RYR2: variants seen among roughly 807,000 people sequenced by gnomAD.
RYR2 encodes cardiac muscle ryanodine receptor-calcium release channel.
Under a neutral mutation model 601.1 loss-of-function variants are expected in RYR2, and 227 were observed. The observed-to-expected ratio is 0.38, with a 90% CI of 0.34 to 0.42. The LOEUF is 0.42. Among genes scored for constraint, RYR2 ranks in the 10% least tolerant of loss-of-function variants. The probability of loss-of-function intolerance (pLI) is 1.00; values close to 1 mark genes in which losing one functional copy is unlikely to be tolerated. For synonymous variants in RYR2, 2,223 were observed against 2,175.1 expected (o/e 1.02, Z -0.61); for missense variants, 4,646 against 6,156.5 (o/e 0.75, Z 8.21).
intron 1 of RYR2, among the ~76,000 whole-genome samples, chr1:237,208,966 A>ATG (rs1682182599): frequency 9.4e-6 from 1 of 105,910 alleles, no homozygotes; most frequent in African/African-American, 3.2e-5. Flanking sequence ...ATATATATAT[A>ATG]TATATATATA....
intron 1 of RYR2, among the ~76,000 whole-genome samples, chr1:237,066,566 G>T (rs9428372): frequency 0.77 from 117,150 of 151,568 alleles, 45,834 homozygotes; most frequent in East Asian, 0.99. Flanking sequence ...ATCTAATCAT[G>T]GTATTAATTT....
At chr1:237,716,146 C>T (rs189318216) in intron 71 of RYR2, among the ~76,000 whole-genome samples, 91 of 152,008 alleles carry the variant, frequency 6.0e-4, no homozygotes, top group South Asian at 1.7e-3. Flanking sequence ...TATTTTATAA[C>T]GTAATATATA....
In RYR2 at chr1:237,232,740, A is replaced by G. The variant is rs576287553; in HGVS notation, c.49-37757A>G. Among the ~76,000 whole-genome samples, 8 of 152,286 alleles carry G rather than the reference A, an allele frequency of 5.3e-5. No homozygotes were observed. In the South Asian group the frequency reaches 1.7e-3, roughly 32 times the overall value. ...GCCCTTAACCGGGGAATCTGAGGCC[A>G]TCTGCAGGTAAATAGCATTAGAATT... On this transcript the variant is annotated intron_variant, in intron 1 of 104. Coordinates refer to ENST00000366574, the MANE Select transcript of RYR2 (RefSeq NM_001035.3).
At chr1:237,777,930 A>G (rs1055457912) in intron 87 of RYR2, among the ~76,000 whole-genome samples, 4 of 152,266 alleles carry the variant, frequency 2.6e-5, no homozygotes, top group African/African-American at 9.6e-5. Flanking sequence ...GTTAGTTGGC[A>G]GTTTCTGACT....
rs562085538 is a variant in RYR2, at chr1:237,789,421, G to A, written c.13476+1286G>A. ...AACCATCTTGTATTTTCCCTATATT[G>A]TTTAATACAGAGTTCACTGAACAGA... On this transcript the variant is annotated intron_variant, in intron 92 of 104. Transcript: ENST00000366574. Among the ~76,000 whole-genome samples, 42 of 150,528 alleles carry A rather than the reference G, an allele frequency of 2.8e-4. No homozygotes were observed. In the South Asian group the frequency reaches 8.2e-3, roughly 30 times the overall value.
At chr1:237,687,036 T>C (rs1686455032) in intron 62 of RYR2, among the ~76,000 whole-genome samples, 1 of 152,158 alleles carries the variant, frequency 6.6e-6, no homozygotes, top group South Asian at 2.1e-4. Flanking sequence ...TAAAATAAAA[T>C]AATGTCCATA....
rs772551383 is a variant in RYR2 at position 237,590,728 on chromosome 1, T to G, written c.3896T>G (p.Ile1299Ser). 1.9e-6 allele frequency: 3 copies of G among 1,612,292 alleles called. No homozygotes were observed. Among genetic ancestry groups the G allele is most frequent in the Middle Eastern group, 1.7e-4 (1 of 6,052 alleles). ...GGTTCTCAGAACAGCAACACTGATA[T>G]CATGTTTTATCGCCTGAGCATGCCG... ...SFGSQNSNTD[I>S]MFYRLSMPIE... The change falls in exon 31 of 105, where the codon ATC becomes AGC. Residue 1299 changes from isoleucine to serine, a missense_variant. This residue lies in a region of RYR2 where 1,807 missense variants were observed against 2,088.1 expected (regional missense o/e 0.87). Transcript: ENST00000366574.
intron 24 of RYR2, among the ~76,000 whole-genome samples, chr1:237,525,727 C>A (rs1161483215): frequency 1.3e-5 from 2 of 152,024 alleles, no homozygotes; most frequent in African/African-American, 4.8e-5. Flanking sequence ...CTCCTGTAAT[C>A]CCAGCACTGT....
intron 1 of RYR2, among the ~76,000 whole-genome samples, chr1:237,108,689 C>T (rs989655058): frequency 1.3e-5 from 2 of 152,176 alleles, no homozygotes; most frequent in African/African-American, 4.8e-5. Context: ...AGGAGAGTCC[C>T]TCCTCCTGGC....
chr1:237,455,121 C>T (rs1257981650), intron 15 of RYR2, among the ~76,000 whole-genome samples: 1 of 152,006 alleles, frequency 6.6e-6, no homozygotes, highest in African/African-American at 2.4e-5. Flanking sequence ...ATTGTATTGC[C>T]CCAAAAGTTT....
intron 19 of RYR2, among the ~76,000 whole-genome samples, chr1:237,494,993 G>T (rs923028285): frequency 6.6e-6 from 1 of 152,076 alleles, no homozygotes; most frequent in African/African-American, 2.4e-5. Flanking sequence ...GTTTCACCAT[G>T]TTGGCCAGCC....
intron 1 of RYR2, among the ~76,000 whole-genome samples, chr1:237,154,723 G>A (rs1675114963): frequency 6.6e-6 from 1 of 152,040 alleles, no homozygotes; most frequent in Non-Finnish European, 1.5e-5. Context: ...TATCCCTAGA[G>A]GGACATTTTA....
At position 237,643,315 on chromosome 1, in the gene RYR2, TCCCC is replaced by T. The variant is rs1553265762; in HGVS notation, c.7222-11_7222-8del. On this transcript the variant is annotated splice_polypyrimidine_tract_variant and splice_region_variant and intron_variant, in intron 47 of 104. Transcript: ENST00000366574. ...ACAAAGTTGTTCTAATGTTTTTTTT[TCCCC>T]TGTATAGTTGATTCATGCCGGGAAG... 7 of 1,607,386 alleles carry T rather than the reference TCCCC, an allele frequency of 4.4e-6. No homozygotes were observed. The highest frequency in any genetic ancestry group is 3.4e-5 in the Admixed American group (2 of 59,154).
At chr1:237,791,149 A>C (rs1044858460) in intron 92 of RYR2, among the ~76,000 whole-genome samples, 14 of 152,170 alleles carry the variant, frequency 9.2e-5, no homozygotes, top group African/African-American at 3.1e-4. Flanking sequence ...TAGCACCCCT[A>C]TTCCCTAAGC....
In RYR2 at chr1:237,230,747, C is replaced by T. The variant is rs186469467; in HGVS notation, c.49-39750C>T. Among the ~76,000 whole-genome samples the T allele has an allele frequency of 2.0e-3, 307 of 152,110 alleles. 3 individuals are homozygous for T. Among genetic ancestry groups the T allele is most frequent in the Non-Finnish European group, 3.3e-3 (223 of 68,002 alleles). ...CAGCCTGGCCAACATGGCAAAAACCCGTCTAAAAACCCCTCTACTAAAAGT... is the reference window on the plus strand; with the variant it reads ...CAGCCTGGCCAACATGGCAAAAACCTGTCTAAAAACCCCTCTACTAAAAGT... On this transcript the variant is annotated intron_variant, in intron 1 of 104. Coordinates refer to ENST00000366574, the MANE Select transcript of RYR2 (RefSeq NM_001035.3).
chr1:237,473,431 C>CTCTTTTTCTTTCTTTCTT (rs1553464652), intron 17 of RYR2, among the ~76,000 whole-genome samples: 2 of 115,772 alleles, frequency 1.7e-5, no homozygotes, highest in African/African-American at 6.4e-5. Flanking sequence ...CTCTCTCTCT[C>CTCTTTTTCTTTCTTTCTT]TCTTTCTTTC....
chr1:237,456,999 C>T (rs1658914295), intron 16 of RYR2, among the ~76,000 whole-genome samples: 1 of 152,120 alleles, frequency 6.6e-6, no homozygotes, highest in Non-Finnish European at 1.5e-5. Context: ...CTAATTGAGA[C>T]TTAATTTTTA....
At chr1:237,486,503 T>A (rs1662700056) in intron 17 of RYR2, among the ~76,000 whole-genome samples, 1 of 151,642 alleles carries the variant, frequency 6.6e-6, no homozygotes, top group South Asian at 2.1e-4. Context: ...TAAGTTTATA[T>A]AACTTGGATG....
intron 3 of RYR2, among the ~76,000 whole-genome samples, chr1:237,345,758 CTAT>C (rs1236499176): frequency 1.4e-5 from 2 of 146,760 alleles, no homozygotes; most frequent in African/African-American, 2.5e-5. Flanking sequence ...CAAAGTCTAT[CTAT>C]TATTATGTCT....
Sources: gnomAD v4.1 joint callset for allele counts (sites outside exome capture counted in the v4.1 genomes callset) on GRCh38, gnomAD v4.1.1 for gene constraint, gnomAD v4.1.1 regional missense constraint, MANE v1.5 for transcripts, NCBI Gene and HGNC (gene_info 2026-07-23, HGNC 2026-07-21) for gene names.